Variants in NRTN observed in about 807,000 individuals in gnomAD.
The protein encoded by NRTN is neurturin.
NRTN carries 3 observed loss-of-function variants against 7.5 expected under a neutral mutation model. The ratio of observed to expected loss-of-function variants is 0.40; its 90% CI spans 0.18 to 1.03. NRTN has a LOEUF of 1.03. Ranked by LOEUF, NRTN falls within the 50% of genes least tolerant of loss-of-function variation. The pLI is 0.34. For synonymous variants in NRTN, 157 were observed against 146.6 expected, an observed-to-expected ratio of 1.07 and a Z score of -0.51; for missense variants, 310 against 307.0, an observed-to-expected ratio of 1.01 and a Z score of -0.07.
intron 1 of NRTN, among the ~76,000 whole-genome samples, chr19:5,820,550 G>A (rs569258982): frequency 5.4e-5 from 7 of 128,638 alleles, no homozygotes; most frequent in African/African-American, 2.2e-4. Context: ...GGGCGACAGA[G>A]TGAGACTCCG....
At chr19:5,816,279 C>T (rs2057004911) in intron 1 of NRTN, among the ~76,000 whole-genome samples, 3 of 152,152 alleles carry the variant, frequency 2.0e-5, no homozygotes, top group African/African-American at 2.4e-5. Context: ...TTTAGCCATC[C>T]CCTTTCCTTT....
At chr19:5,812,792 A>G (rs35139763) in intron 1 of NRTN, among the ~76,000 whole-genome samples, 27,063 of 152,166 alleles carry the variant, frequency 0.18, 3,133 homozygotes, top group South Asian at 0.31. Flanking sequence ...ACCTCAGGGA[A>G]CTCCTAGGGG....
chr19:5,827,897 C>G lies in NRTN; in HGVS notation c.318C>G (p.Arg106=), dbSNP rs778565666. 8 of 1,400,204 alleles carry G rather than the reference C, an allele frequency of 5.7e-6. No homozygotes were observed. Among genetic ancestry groups the G allele is most frequent in the South Asian group, 1.6e-5 (1 of 62,576 alleles). 86.7% of individuals were successfully genotyped at this position (1,400,204 alleles called of 1,614,324 possible). A position where few individuals can be genotyped will look rare whatever the true frequency, so the allele number is the denominator to read the frequency against. Residue 106 remains arginine (R), a synonymous_variant, in exon 3 of 3, where the codon CGC becomes CGG. Coordinates refer to ENST00000303212, the MANE Select transcript of NRTN (RefSeq NM_004558.5). The part of the protein sequence containing the change: ...ARLGARPCGL[R]ELEVRVSELG... ...TGGGGGCGCGGCCTTGCGGGCTGCGCGAGCTGGAGGTGCGCGTGAGCGAGC... is the reference window on the plus strand; with the variant it reads ...TGGGGGCGCGGCCTTGCGGGCTGCGGGAGCTGGAGGTGCGCGTGAGCGAGC...
chr19:5,827,763 C>A lies in NRTN; in HGVS notation c.184C>A (p.Gln62Lys), dbSNP rs752585571. 2 of 1,210,986 alleles carry A rather than the reference C, an allele frequency of 1.7e-6. No individual in the cohort carries two copies. Among genetic ancestry groups the A allele is most frequent in the Admixed American group, 3.5e-5 (1 of 28,592 alleles). The allele number at this position is 1,210,986 out of a possible 1,614,324, so 75.0% of individuals were successfully genotyped here. ...TCCCCTCGCAGACCGTGCACTCCTG[C>A]AGGGGGCCCCGGATGCGATGGAGCT... ...ARLAQYRALL[Q>K]GAPDAMELRE... Residue 62 changes from glutamine to lysine, a missense_variant, in exon 3 of 3, where the codon CAG becomes AAG. Coordinates refer to ENST00000303212, the MANE Select transcript of NRTN (RefSeq NM_004558.5).
At chr19:5,816,570 C>T (rs112091285) in intron 1 of NRTN, among the ~76,000 whole-genome samples, 2 of 151,844 alleles carry the variant, frequency 1.3e-5, no homozygotes, top group Non-Finnish European at 1.5e-5. Flanking sequence ...TTAGTAGAGA[C>T]GGGGTTTCAC....
chr19:5,805,514 CA>C (rs1174952266), intron 1 of NRTN, among the ~76,000 whole-genome samples, 63 bp downstream of exon 1: 1 of 151,854 alleles, frequency 6.6e-6, no homozygotes, highest in African/African-American at 2.4e-5. Flanking sequence ...CGACCTGCCC[CA>C]TGGACGGGGC....
chr19:5,816,855 G>GTGAGTGTGGTCATGTT (rs2057006575), intron 1 of NRTN, among the ~76,000 whole-genome samples: 1 of 152,230 alleles, frequency 6.6e-6, no homozygotes, highest in Non-Finnish European at 1.5e-5. Context: ...GTCCAAGTGT[G>GTGAGTGTGGTCATGTT]TGAGTGTGGT....
chr19:5,811,144 C>T (rs570069094), intron 1 of NRTN, among the ~76,000 whole-genome samples: 13 of 152,128 alleles, frequency 8.5e-5, no homozygotes, highest in Admixed American at 5.2e-4. Context: ...GAGGCTGAGG[C>T]AGGAGAACCG....
intron 1 of NRTN, among the ~76,000 whole-genome samples, chr19:5,809,705 C>A (rs908048448): frequency 6.6e-6 from 1 of 152,144 alleles, no homozygotes; most frequent in Non-Finnish European, 1.5e-5. Flanking sequence ...CAGCCGGGCA[C>A]TCTGGGCTTT....
intron 1 of NRTN, among the ~76,000 whole-genome samples, chr19:5,811,209 C>A (rs1364372476): frequency 6.6e-6 from 1 of 151,932 alleles, no homozygotes; most frequent in African/African-American, 2.4e-5. Flanking sequence ...CTGCACTCCA[C>A]AGCGAGACTT....
At chr19:5,820,063 G>A (rs192011105) in intron 1 of NRTN, among the ~76,000 whole-genome samples, 5,134 of 136,102 alleles carry the variant, frequency 0.038, 315 homozygotes, top group African/African-American at 0.13. Context: ...TCAGGAGATC[G>A]AGACCATCCT....
chr19:5,827,717 AC>A (rs745582668), intron 2 of NRTN, 31 bp from the exon 3 acceptor site: 16 of 400,278 alleles, frequency 4.0e-5, no homozygotes, highest in East Asian at 1.8e-4. Context: ...GCACCCACTG[AC>A]CCCCCCTCCT....
intron 1 of NRTN, among the ~76,000 whole-genome samples, chr19:5,812,160 G>A (rs575498813): frequency 2.3e-4 from 35 of 151,778 alleles, no homozygotes; most frequent in Admixed American, 1.5e-3. Context: ...GTGAGCCACC[G>A]TGCCGGGCCC....
rs906808430 is a variant in NRTN at position 5,808,662 on chromosome 19, C to T, written c.-399+3211C>T. Among the ~76,000 whole-genome samples, 11 of 152,142 alleles carry T rather than the reference C, an allele frequency of 7.2e-5. 1 individual carries two copies. Among genetic ancestry groups the T allele is most frequent in the Admixed American group, 5.2e-4 (8 of 15,276 alleles). On this transcript the variant is annotated intron_variant, in intron 1 of 2. Coordinates refer to ENST00000303212, the MANE Select transcript of NRTN (RefSeq NM_004558.5). Reference sequence around the variant, plus strand: ...CCCCTGGCTCCTGGCACTCCAGCCACGCTGGTCATCTCGAACAGGCACGGT... The same window carrying T: ...CCCCTGGCTCCTGGCACTCCAGCCATGCTGGTCATCTCGAACAGGCACGGT...
chr19:5,823,841 G>A lies in NRTN; in HGVS notation c.-325G>A. 2.1e-6 allele frequency: 1 copy of A among 479,630 alleles called. No homozygotes were observed. Among genetic ancestry groups the A allele is most frequent in the Non-Finnish European group, 3.8e-6 (1 of 260,998 alleles). 29.7% of individuals were successfully genotyped at this position (479,630 alleles called of 1,614,324 possible). On this transcript the variant is annotated 5_prime_UTR_variant, in exon 2 of 3. It introduces an in-frame stop codon into an upstream open reading frame of the 5' UTR. Coordinates refer to ENST00000303212, the MANE Select transcript of NRTN (RefSeq NM_004558.5). ...GTCTGGCCTCGGGGCCTTTGCACTG[G>A]CTGTGTCCCCTGCCTGTGATGCCAT... is the stretch of plus-strand genomic sequence containing the variant.
At chr19:5,808,863 C>G (rs2056981568) in intron 1 of NRTN, among the ~76,000 whole-genome samples, 1 of 151,042 alleles carries the variant, frequency 6.6e-6, no homozygotes, top group Admixed American at 6.6e-5. Flanking sequence ...TCACACCATT[C>G]TCCTGCCTCA....
At chr19:5,825,905 T>C (rs770843663) in intron 2 of NRTN, among the ~76,000 whole-genome samples, 63 of 152,222 alleles carry the variant, frequency 4.1e-4, no homozygotes, top group Admixed American at 2.9e-3. Context: ...GAGGCCGAGG[T>C]GGGCGGATCA....
At chr19:5,811,955 C>T (rs1034896203) in intron 1 of NRTN, among the ~76,000 whole-genome samples, 2 of 151,762 alleles carry the variant, frequency 1.3e-5, no homozygotes, top group South Asian at 2.1e-4. Flanking sequence ...CTGCAAGCTC[C>T]GCCTCTTGGG....
intron 1 of NRTN, among the ~76,000 whole-genome samples, chr19:5,820,188 C>A (rs10416844): frequency 0.17 from 24,006 of 140,902 alleles, 2,434 homozygotes; most frequent in Middle Eastern, 0.3. Flanking sequence ...ATGGCGTGAA[C>A]CTGGGAGGCG....
Sources: allele counts gnomAD v4.1 joint callset (sites outside exome capture counted in the v4.1 genomes callset), GRCh38; gene constraint gnomAD v4.1.1; transcripts MANE v1.5; gene names NCBI Gene and HGNC (gene_info 2026-07-23, HGNC 2026-07-21).